Variants in DNAJC7 observed in about 807,000 individuals in gnomAD.
DNAJC7 encodes DnaJ heat shock protein family (Hsp40) member C7, also known as dnaJ homolog subfamily C member 7.
Under a neutral mutation model 67.4 loss-of-function variants are expected in DNAJC7, and 18 were observed. The observed-to-expected ratio is 0.27, with a 90% CI of 0.18 to 0.40. DNAJC7 has a LOEUF of 0.40. Among genes scored for constraint, DNAJC7 ranks in the 10% least tolerant of loss-of-function variants. DNAJC7 has a pLI of 1.00. For missense variants in DNAJC7, 419 were observed against 613.8 expected (o/e 0.68, Z 3.35); for synonymous variants, 220 against 207.8 (o/e 1.06, Z -0.50).
intron 2 of DNAJC7, among the ~76,000 whole-genome samples, chr17:41,999,478 G>T (rs966152030): frequency 4.0e-5 from 6 of 151,824 alleles, no homozygotes; most frequent in Non-Finnish European, 8.8e-5. Context: ...CAACCCATTG[G>T]GCAAAAGGCT....
At chr17:41,989,364 G>A (rs1598126844) in intron 7 of DNAJC7, 40 bp downstream of exon 7, 1 of 1,605,780 alleles carries the variant, frequency 6.2e-7, no homozygotes, top group Non-Finnish European at 8.5e-7. Flanking sequence ...GGTCCCAAAA[G>A]GAAGCTCTTT....
At chr17:42,012,658 G>C (rs1457363396) in intron 1 of DNAJC7, among the ~76,000 whole-genome samples, 1 of 152,242 alleles carries the variant, frequency 6.6e-6, no homozygotes, top group African/African-American at 2.4e-5. Context: ...CCTTAAGTTA[G>C]TTGAAATGTG....
intron 4 of DNAJC7, 92 bp downstream of exon 4, chr17:41,996,219 T>G: frequency 1.6e-6 from 2 of 1,266,544 alleles, no homozygotes; most frequent in Non-Finnish European, 2.3e-6. Context: ...ATGGCAGAAG[T>G]GAGACTAGAC....
At chr17:41,977,403 GA>G (rs1390669814) in intron 12 of DNAJC7, 80 bp from the exon 13 acceptor site, 14 of 1,289,892 alleles carry the variant, frequency 1.1e-5, no homozygotes, top group African/African-American at 1.5e-5. Flanking sequence ...ATGACACTGA[GA>G]ACAGATCTCC....
rs1433924079 is a variant in DNAJC7 at position 41,980,138 on chromosome 17, C to T, written c.1384+1717G>A. On this transcript the variant is annotated intron_variant, in intron 12 of 13. Transcript: ENST00000457167. ...GATCTCAGCTCATTGCAACCTCCGC[C>T]TCCCGAGTTCAAGCGATTCTCCTGC... Among the ~76,000 whole-genome samples, 4 of 151,178 alleles carry T rather than the reference C, an allele frequency of 2.6e-5. No individual in the cohort carries two copies. In the East Asian group the frequency reaches 8.0e-4, roughly 30 times the overall value.
At chr17:41,994,034 ACT>A (rs1277232507) in intron 5 of DNAJC7, among the ~76,000 whole-genome samples, 12 of 118,048 alleles carry the variant, frequency 1.0e-4, no homozygotes, top group African/African-American at 3.0e-4. Context: ...CAAGAGCCAA[ACT>A]CTCTCTCAAA....
At position 41,983,766 on chromosome 17, in the gene DNAJC7, G is replaced by T. The variant is rs115005140; in HGVS notation, c.1011-130C>A. ...CTGGTAAGATGCTTCAGAAACAGGA[G>T]CCCTTAATCTAGCAGTGAGAGAAAA... On this transcript the variant is annotated intron_variant, in intron 9 of 13. Transcript: ENST00000457167. 2.0e-3 allele frequency: 1,404 copies of T among 685,572 alleles called. 18 individuals carry two copies. The African/African-American group carries it at 0.022, about 11-fold the overall frequency. 42.5% of individuals were successfully genotyped at this position (685,572 alleles called of 1,614,324 possible). A position where few individuals can be genotyped will look rare whatever the true frequency, so the allele number is the denominator to read the frequency against.
rs948296835 is a variant in DNAJC7 at position 41,988,738 on chromosome 17, A to G, written c.912T>C (p.Asn304=). ...ATCTAGATCAAGAGCTTACCTTGGA[A>G]TTAACCGTACCCCGATTACAGTAGA... The part of the protein sequence containing the change: ...AKLYCNRGTV[N]SKLRKLDDAI... The change falls in exon 8 of 14, where the codon AAT becomes AAC. Residue 304 remains asparagine (N), a synonymous_variant. Coordinates refer to ENST00000457167, the MANE Select transcript of DNAJC7 (RefSeq NM_003315.4). 3.8e-6 allele frequency: 6 copies of G among 1,597,732 alleles called. No individual in the cohort carries two copies. The highest frequency in any genetic ancestry group is 4.5e-5 in the East Asian group (2 of 44,142).
chr17:41,987,271 G>A (rs1355629691), intron 9 of DNAJC7, among the ~76,000 whole-genome samples: 1 of 152,108 alleles, frequency 6.6e-6, no homozygotes, highest in Non-Finnish European at 1.5e-5. Context: ...CAAGCAGAGA[G>A]TAGCCATCCA....
intron 9 of DNAJC7, 79 bp from the exon 10 acceptor site, chr17:41,983,715 A>G: frequency 4.7e-6 from 6 of 1,289,794 alleles, no homozygotes; most frequent in Non-Finnish European, 6.5e-6. Context: ...GGCAAGAGGC[A>G]TGGCTCAAGC....
chr17:42,002,919 G>A (rs2051847492), intron 1 of DNAJC7, among the ~76,000 whole-genome samples: 1 of 152,156 alleles, frequency 6.6e-6, no homozygotes, highest in South Asian at 2.1e-4. Context: ...CTAACAATTA[G>A]TCATAGAGGA....
intron 5 of DNAJC7, among the ~76,000 whole-genome samples, chr17:41,990,834 A>T (rs1267141098): frequency 6.6e-6 from 1 of 150,890 alleles, no homozygotes; most frequent in Non-Finnish European, 1.5e-5. Context: ...GCCCAAGCTA[A>T]TTTTTTTTTG....
chr17:41,981,342 GC>G (rs2051245444), intron 12 of DNAJC7, among the ~76,000 whole-genome samples: 1 of 151,720 alleles, frequency 6.6e-6, no homozygotes, highest in African/African-American at 2.4e-5. Flanking sequence ...GATTACAGGC[GC>G]CCACCACCAC....
At chr17:41,984,045 T>C (rs1042316770) in intron 9 of DNAJC7, among the ~76,000 whole-genome samples, 14 of 152,182 alleles carry the variant, frequency 9.2e-5, no homozygotes, top group Admixed American at 6.5e-4. Flanking sequence ...TTGAAACCTA[T>C]AGTGCCATAA....
chr17:41,997,126 T>G lies in DNAJC7; in HGVS notation c.280A>C (p.Ser94Arg), dbSNP rs782374330. 6.2e-7 allele frequency: 1 copy of G among 1,613,932 alleles called. No individual in the cohort carries two copies. The highest frequency in any genetic ancestry group is 2.2e-5 in the East Asian group (1 of 44,884). Residue 94 changes from serine (S) to arginine (R), a missense_variant, in exon 3 of 14, where the codon AGT (serine) becomes CGT (arginine). By Grantham distance (110) the Ser-to-Arg change is moderately radical (BLOSUM62 -1). Around this residue, in one of 4 missense-constraint regions of DNAJC7, gnomAD observed 179 missense variants for 249.7 expected, o/e 0.72. Coordinates refer to ENST00000457167, the MANE Select transcript of DNAJC7 (RefSeq NM_003315.4). ...DAQQSVRLDD[S>R]FVRGHLREGK... ...CATTACATACATACCCGGACAAAAC[T>G]GTCATCCAACCTCACTGACTGTTGT...
At chr17:42,016,862 T>A in intron 1 of DNAJC7, 1 of 824,108 alleles carries the variant, frequency 1.2e-6, no homozygotes, top group Non-Finnish European at 1.5e-6. Flanking sequence ...ACACAATCAC[T>A]TCGAACCCAG....
Position 41,982,223 on chromosome 17 carries a change from C to T in DNAJC7, c.1231+32G>A, listed in dbSNP as rs1422671151. The T allele has an allele frequency of 3.1e-6, 5 of 1,612,738 alleles. No individual in the cohort carries two copies. In the East Asian group the frequency reaches 1.1e-4, roughly 36 times the overall value. On this transcript the variant is annotated intron_variant, in intron 11 of 13. Transcript: ENST00000457167. ...CAGTTGGCCTGCCCTGCGGGTTCTTCCCACTGAGCCCACTCCCCGCACCTA... is the reference window on the plus strand; with the variant it reads ...CAGTTGGCCTGCCCTGCGGGTTCTTTCCACTGAGCCCACTCCCCGCACCTA...
chr17:42,014,755 C>T (rs2052219314), intron 1 of DNAJC7: 1 of 151,860 alleles, frequency 6.6e-6, no homozygotes, highest in African/African-American at 2.4e-5. Context: ...GATGGGGTTT[C>T]ACCGTATTAG....
chr17:41,988,146 C>T (rs2051429367), intron 8 of DNAJC7, among the ~76,000 whole-genome samples: 2 of 152,230 alleles, frequency 1.3e-5, no homozygotes, highest in Admixed American at 1.3e-4. Flanking sequence ...TTTACCATTC[C>T]ATGTTAGTGC....
Sources: allele counts gnomAD v4.1 joint callset (sites outside exome capture counted in the v4.1 genomes callset), GRCh38; gene constraint gnomAD v4.1.1; regional missense constraint gnomAD v4.1.1; transcripts MANE v1.5; gene names NCBI Gene and HGNC (gene_info 2026-07-23, HGNC 2026-07-21).